The following WASF2 variants were observed in gnomAD, a reference collection of about 807,000 sequenced individuals.
WASF2 encodes WASP family member 2, also known as actin-binding protein WASF2.
WASF2 carries 14 observed loss-of-function variants against 45.0 expected under a neutral mutation model. The ratio of observed to expected loss-of-function variants is 0.31; its 90% confidence interval spans 0.21 to 0.49. The LOEUF is 0.49. WASF2 is among the 20% of genes least tolerant of loss of function. The probability of loss-of-function intolerance (pLI) is 0.99; values close to 1 mark genes in which losing one functional copy is unlikely to be tolerated. For missense variants in WASF2, 439 were observed against 636.1 expected, an observed-to-expected ratio of 0.69 and a Z score of 3.33; for synonymous variants, 200 against 236.3, an observed-to-expected ratio of 0.85 and a Z score of 1.41.
chr1:27,427,422 C>G (rs1047124936), intron 2 of WASF2, among the ~76,000 whole-genome samples: 5 of 152,234 alleles, frequency 3.3e-5, no homozygotes, highest in African/African-American at 4.8e-5. Context: ...TTGGCCTTCT[C>G]AGAGAGAGAC....
chr1:27,410,046 T>C lies in WASF2; in HGVS notation c.985A>G (p.Met329Val), dbSNP rs1372493047. Residue 329 changes from methionine (M) to valine (V), a missense_variant, in exon 8 of 9, where the codon ATG becomes GTG. Physicochemically the swap from Met to Val is conservative, Grantham distance 21. Around this residue, in one of 5 missense-constraint regions of WASF2, gnomAD observed 286 missense variants for 373.5 expected, o/e 0.77. Coordinates refer to ENST00000618852, the MANE Select transcript of WASF2 (RefSeq NM_006990.5). This position sits in a 1 kb window ranked among gnomAD's most constrained non-coding sequence, Gnocchi z 4.2. Reference sequence around the variant, plus strand: ...GGTGGTGGAGGTGGGATGCCTATCATTGGAGGCGGAGGTGGCGGAGGGGCA... The same window carrying C: ...GGTGGTGGAGGTGGGATGCCTATCACTGGAGGCGGAGGTGGCGGAGGGGCA... ...PPAPPPPPPP[M>V]IGIPPPPPPV... 3.7e-6 allele frequency: 6 copies of C among 1,612,784 alleles called. No individual in the cohort carries two copies. The highest frequency in any genetic ancestry group is 5.1e-6 in the Non-Finnish European group (6 of 1,179,574).
chr1:27,439,559 C>G (rs2017180837), intron 1 of WASF2, among the ~76,000 whole-genome samples: 3 of 152,156 alleles, frequency 2.0e-5, no homozygotes, highest in African/African-American at 4.8e-5. Flanking sequence ...CCCTTGACTC[C>G]AGGAGCTTAT....
intron 1 of WASF2, among the ~76,000 whole-genome samples, chr1:27,447,569 T>C (rs1016911248): frequency 2.0e-5 from 3 of 152,226 alleles, no homozygotes; most frequent in African/African-American, 7.2e-5. Context: ...TCATCCAGCC[T>C]AACTATGGAA....
chr1:27,404,758 T>C lies in WASF2; in HGVS notation c.*3431A>G, dbSNP rs1264480924. Reference sequence around the variant, plus strand: ...AAGTGAATTAACTGAATAAACTTAATACAATAACAAAATTGTTCCCTAACC... The same window carrying C: ...AAGTGAATTAACTGAATAAACTTAACACAATAACAAAATTGTTCCCTAACC... On this transcript the variant is annotated 3_prime_UTR_variant, in exon 9 of 9. Transcript: ENST00000618852. 6.8e-6 allele frequency: 1 copy of C among 146,712 alleles called. No individual in the cohort carries two copies. Among genetic ancestry groups the C allele is most frequent in the Non-Finnish European group, 1.6e-5 (1 of 64,130 alleles). 9.1% of individuals were successfully genotyped at this position (146,712 alleles called of 1,614,324 possible). A position where few individuals can be genotyped will look rare whatever the true frequency, so the allele number is the denominator to read the frequency against.
Position 27,405,727 on chromosome 1 carries a change from A to G in WASF2, c.*2462T>C, listed in dbSNP as rs1361973776. The G allele has an allele frequency of 6.6e-6, 1 of 150,822 alleles. No individual in the cohort carries two copies. Among genetic ancestry groups the G allele is most frequent in the Non-Finnish European group, 1.5e-5 (1 of 67,912 alleles). The allele number at this position is 150,822 out of a possible 1,614,324, so 9.3% of individuals were successfully genotyped here. ...GGCTTCGCAAGGCCGGCTGCTACAA[A>G]GTGCCGAGCTTGGCTGCATAGATTT... On this transcript the variant is annotated 3_prime_UTR_variant, in exon 9 of 9. Transcript: ENST00000618852.
intron 1 of WASF2, among the ~76,000 whole-genome samples, chr1:27,447,312 AC>A (rs561795967): frequency 1.1e-3 from 165 of 152,310 alleles, no homozygotes; most frequent in African/African-American, 3.6e-3. Context: ...CCAAATTAGA[AC>A]AGTTCTATTT....
chr1:27,459,057 C>T (rs772712173), intron 1 of WASF2, among the ~76,000 whole-genome samples: 17 of 144,580 alleles, frequency 1.2e-4, no homozygotes, highest in Non-Finnish European at 2.4e-4. Context: ...ACCCAGGAAG[C>T]GGAGGTTGCA....
intron 1 of WASF2, among the ~76,000 whole-genome samples, chr1:27,442,087 G>A (rs950551577): frequency 6.6e-6 from 1 of 151,266 alleles, no homozygotes; most frequent in Non-Finnish European, 1.5e-5. Context: ...TCCAGCCTGG[G>A]CAAAAAAATG....
At chr1:27,425,219 G>C (rs945034655) in intron 2 of WASF2, among the ~76,000 whole-genome samples, 1 of 152,132 alleles carries the variant, frequency 6.6e-6, no homozygotes, top group African/African-American at 2.4e-5. Flanking sequence ...CTCCCAACCA[G>C]CTAGGACTAC....
At chr1:27,479,134 A>C (rs1009737092) in intron 1 of WASF2, among the ~76,000 whole-genome samples, 2 of 151,868 alleles carry the variant, frequency 1.3e-5, no homozygotes, top group African/African-American at 4.8e-5. Context: ...AAAATACAAA[A>C]AATTAGCCAG....
intron 1 of WASF2, among the ~76,000 whole-genome samples, chr1:27,456,365 C>T (rs1370635742): frequency 6.8e-6 from 1 of 146,962 alleles, no homozygotes; most frequent in Non-Finnish European, 1.5e-5. Flanking sequence ...CTTTCTGACT[C>T]TTGCAGACTA....
At chr1:27,468,594 T>C (rs929241825) in intron 1 of WASF2, among the ~76,000 whole-genome samples, 5 of 151,478 alleles carry the variant, frequency 3.3e-5, no homozygotes, top group Admixed American at 2.0e-4. Context: ...TGAGCCGAGA[T>C]TGCGCCATTG....
At chr1:27,419,178 C>G (rs765699611) in intron 2 of WASF2, 90 bp from the exon 3 acceptor site, 2 of 1,454,844 alleles carry the variant, frequency 1.4e-6, no homozygotes, top group Non-Finnish European at 1.9e-6. Context: ...GTTCCCTAAC[C>G]CCCAAACACA....
chr1:27,433,822 C>G (rs1188239168), intron 1 of WASF2, among the ~76,000 whole-genome samples: 2 of 152,194 alleles, frequency 1.3e-5, no homozygotes, highest in East Asian at 3.8e-4. Context: ...CAGAAAAGAG[C>G]TGAATGCTAG....
chr1:27,454,149 GTGTGTATATATATATATATA>G lies in WASF2; in HGVS notation c.-43-25236_-43-25217del, dbSNP rs1283549834. ...TGTATATATATATGTGTGTGTGTGT[GTGTGTATATATATATATATA>G]TATATATATATATATATATTTTTTT... On this transcript the variant is annotated intron_variant, in intron 1 of 8. Transcript: ENST00000618852. Among the ~76,000 whole-genome samples the G allele has an allele frequency of 4.5e-3, 377 of 83,620 alleles. 17 individuals carry two copies. The highest frequency in any genetic ancestry group is 0.025 in the East Asian group (59 of 2,364). 54.9% of individuals were successfully genotyped at this position (83,620 alleles called of 152,430 possible).
intron 1 of WASF2, among the ~76,000 whole-genome samples, chr1:27,433,196 C>T (rs2148114385): frequency 6.6e-6 from 1 of 152,314 alleles, no homozygotes; most frequent in African/African-American, 2.4e-5. Flanking sequence ...CTGGAGGCTG[C>T]TTCCAGCTGT....
intron 1 of WASF2, among the ~76,000 whole-genome samples, chr1:27,462,307 G>A (rs1409979561): frequency 6.6e-6 from 1 of 152,132 alleles, no homozygotes; most frequent in Non-Finnish European, 1.5e-5. Flanking sequence ...TTTGATAATA[G>A]GTTGTAGACA....
chr1:27,433,716 G>T (rs1055866422), intron 1 of WASF2, among the ~76,000 whole-genome samples: 7 of 152,212 alleles, frequency 4.6e-5, no homozygotes, highest in African/African-American at 1.7e-4. Context: ...AGTTGCAGGG[G>T]TGAGTCCAGC....
At chr1:27,456,321 A>G (rs997802760) in intron 1 of WASF2, among the ~76,000 whole-genome samples, 64 of 147,684 alleles carry the variant, frequency 4.3e-4, no homozygotes, top group Non-Finnish European at 7.2e-4. Context: ...GACTCTAAAA[A>G]AAAAAAAAAA....
Sources: allele counts gnomAD v4.1 joint callset (sites outside exome capture counted in the v4.1 genomes callset), GRCh38; gene constraint gnomAD v4.1.1; regional missense constraint gnomAD v4.1.1; non-coding constraint Gnocchi (gnomAD v3.1); transcripts MANE v1.5; gene names NCBI Gene and HGNC (gene_info 2026-07-23, HGNC 2026-07-21).